LAMA3: variants seen among roughly 807,000 people sequenced by gnomAD.
LAMA3 encodes the protein laminin subunit alpha-3.
LAMA3 carries 281 observed loss-of-function variants against 402.0 expected under a neutral mutation model. That is an observed-to-expected ratio of 0.70 (90% CI 0.63 to 0.77). The LOEUF is 0.77. Ranked by LOEUF, LAMA3 falls within the 30% of genes least tolerant of loss-of-function variation. The pLI is 0.00. For missense variants in LAMA3, 3,840 were observed against 4,215.5 expected (o/e 0.91, Z 2.47); for synonymous variants, 1,431 against 1,558.4 (o/e 0.92, Z 1.93).
At chr18:23,939,165 C>T in intron 67 of LAMA3, 58 bp from the exon 68 acceptor site, 1 of 1,540,142 alleles carries the variant, frequency 6.5e-7, no homozygotes, top group Non-Finnish European at 9.0e-7. Context: ...ATGTACTTAG[C>T]AAGATAAGCA....
chr18:23,901,053 C>G (rs1599042597), intron 47 of LAMA3, 74 bp from the exon 48 acceptor site: 3 of 1,316,004 alleles, frequency 2.3e-6, no homozygotes, highest in Non-Finnish European at 3.3e-6. Context: ...ACTCGATTCT[C>G]CCTTTGTAGT....
Position 23,763,472 on chromosome 18 carries a change from C to G in LAMA3, c.1131C>G (p.Ser377Arg). 1.9e-6 allele frequency: 3 copies of G among 1,613,922 alleles called. No individual in the cohort carries two copies. The highest frequency in any genetic ancestry group is 2.5e-6 in the Non-Finnish European group (3 of 1,179,834). Reference protein sequence around the residue: ...YDPDVERQQASLNTQGIYAGG... With the variant: ...YDPDVERQQARLNTQGIYAGG... Reference sequence around the variant, plus strand: ...CAGATGTTGAGCGGCAGCAGGCAAGCTTGAATACCCAGGGCATCTATGCTG... The same window carrying G: ...CAGATGTTGAGCGGCAGCAGGCAAGGTTGAATACCCAGGGCATCTATGCTG... The change falls in exon 8 of 75, where the codon AGC (serine) becomes AGG (arginine). Residue 377 changes from serine (S) to arginine (R), a missense_variant. Transcript: ENST00000313654.
intron 2 of LAMA3, among the ~76,000 whole-genome samples, chr18:23,719,012 G>C (rs930038690): frequency 2.0e-5 from 3 of 152,212 alleles, no homozygotes; most frequent in Admixed American, 6.5e-5. Context: ...GAGTGTCCCT[G>C]GTAGGATGGA....
In LAMA3 at chr18:23,932,164, CG is replaced by C. The variant is rs2082179831; in HGVS notation, c.8583del (p.Leu2862PhefsTer8). ...TTTGCTTTTCTTCCCTTTCAGACTA[CG>C]GCTTCTCATCGATGACCAGCTTCTG... is the stretch of plus-strand genomic sequence containing the variant. ...VSVISDNSGL[R>X]LLIDDQLLRN... On this transcript the variant is annotated frameshift_variant, in exon 66 of 75. Transcript: ENST00000313654. LOFTEE classifies it high-confidence loss of function. 6.2e-7 allele frequency: 1 copy of C among 1,613,736 alleles called. No individual in the cohort carries two copies. The highest frequency in any genetic ancestry group is 1.7e-5 in the Admixed American group (1 of 59,996).
intron 67 of LAMA3, among the ~76,000 whole-genome samples, chr18:23,934,720 G>T (rs2082262579): frequency 6.6e-6 from 1 of 152,196 alleles, no homozygotes; most frequent in African/African-American, 2.4e-5. Context: ...ACCTTATGCT[G>T]CAGTGCAGAA....
intron 19 of LAMA3, 48 bp downstream of exon 19, chr18:23,820,045 T>G: frequency 3.8e-6 from 6 of 1,592,270 alleles, no homozygotes; most frequent in Non-Finnish European, 4.3e-6. Flanking sequence ...GCTCAGATAC[T>G]TCCCCACACC....
Position 23,758,475 on chromosome 18 carries a change from C to T in LAMA3, c.1027C>T (p.Arg343Trp), listed in dbSNP as rs375811268. The T allele has an allele frequency of 1.2e-4, 189 of 1,613,172 alleles. No homozygotes were observed. The highest frequency in any genetic ancestry group is 1.4e-4 in the Non-Finnish European group (166 of 1,179,916). Residue 343 changes from arginine to tryptophan, a missense_variant, in exon 7 of 75, where the codon CGG becomes TGG. Physicochemically the swap from Arg to Trp is moderately radical, Grantham distance 101. This residue lies in a region of LAMA3 where 2,109 missense variants were observed against 2,376.0 expected (regional missense o/e 0.89). Coordinates refer to ENST00000313654, the MANE Select transcript of LAMA3 (RefSeq NM_198129.4). ...CACAGGGTACAATCAGAGGCGCTGGCGGCCCGCCGCTTGGGAGCAGAGCCA... is the reference window on the plus strand; with the variant it reads ...CACAGGGTACAATCAGAGGCGCTGGTGGCCCGCCGCTTGGGAGCAGAGCCA... ...CCTGYNQRRW[R>W]PAAWEQSHEC...
chr18:23,735,222 G>A (rs2061454358), intron 2 of LAMA3, among the ~76,000 whole-genome samples: 1 of 152,292 alleles, frequency 6.6e-6, no homozygotes, highest in East Asian at 1.9e-4. Context: ...TGGCTCCTGA[G>A]GCTGGCCTGG....
chr18:23,822,428 T>G (rs1194715720), intron 20 of LAMA3, 53 bp downstream of exon 20: 7 of 1,568,554 alleles, frequency 4.5e-6, no homozygotes, highest in Non-Finnish European at 6.1e-6. Context: ...AAATAAATAG[T>G]GAAACACTTT....
At chr18:23,803,269 A>T (rs2062898613) in intron 12 of LAMA3, among the ~76,000 whole-genome samples, 1 of 152,156 alleles carries the variant, frequency 6.6e-6, no homozygotes, top group Non-Finnish European at 1.5e-5. Flanking sequence ...ATTACCCTGG[A>T]GAATGGTGCC....
intron 40 of LAMA3, among the ~76,000 whole-genome samples, chr18:23,882,552 G>A (rs1254615113): frequency 6.6e-6 from 1 of 151,514 alleles, no homozygotes; most frequent in Non-Finnish European, 1.5e-5. Context: ...AGAGGCTGTA[G>A]TGAGCCGAGA....
At chr18:23,779,820 A>T (rs1335846205) in intron 11 of LAMA3, among the ~76,000 whole-genome samples, 1 of 152,166 alleles carries the variant, frequency 6.6e-6, no homozygotes, top group Non-Finnish European at 1.5e-5. Context: ...CCTGGAGGTC[A>T]GTTATAACAG....
chr18:23,874,484 A>G lies in LAMA3; in HGVS notation c.4999-1810A>G, dbSNP rs747173292. ...CTCTTTGCCCTAAACATGGTTCCTAATAGCTTAAAGGAACATTATATTGGA... is the reference window on the plus strand; with the variant it reads ...CTCTTTGCCCTAAACATGGTTCCTAGTAGCTTAAAGGAACATTATATTGGA... On this transcript the variant is annotated intron_variant, in intron 38 of 74. Coordinates refer to ENST00000313654, the MANE Select transcript of LAMA3 (RefSeq NM_198129.4). 9.8e-5 allele frequency among the ~76,000 whole-genome samples: 15 copies of G among 152,346 alleles called. No individual in the cohort carries two copies. In the Middle Eastern group the frequency reaches 0.014, roughly 138 times the overall value.
chr18:23,766,944 A>C (rs1242211168), intron 8 of LAMA3, among the ~76,000 whole-genome samples: 1 of 152,188 alleles, frequency 6.6e-6, no homozygotes, highest in Non-Finnish European at 1.5e-5. Flanking sequence ...TCTCTTTGTT[A>C]ATGATATGAT....
chr18:23,771,627 G>A (rs1187956901), intron 8 of LAMA3, among the ~76,000 whole-genome samples: 4 of 152,192 alleles, frequency 2.6e-5, no homozygotes, highest in Admixed American at 2.6e-4. Context: ...TTAAATGCAT[G>A]GTGAAGTATT....
At chr18:23,829,237 G>A (rs1009862489) in intron 23 of LAMA3, among the ~76,000 whole-genome samples, 26 of 152,164 alleles carry the variant, frequency 1.7e-4, no homozygotes, top group Admixed American at 6.5e-4. Flanking sequence ...TTCAGATCAT[G>A]GGCCAGTATA....
At chr18:23,919,141 A>C (rs936718743) in intron 60 of LAMA3, among the ~76,000 whole-genome samples, 1 of 152,236 alleles carries the variant, frequency 6.6e-6, no homozygotes, top group African/African-American at 2.4e-5. Context: ...AGGATGGCTC[A>C]TGACTCTCAG....
In LAMA3 at chr18:23,752,782, T is replaced by G. The variant is rs112852511; in HGVS notation, c.856-939T>G. On this transcript the variant is annotated intron_variant, in intron 5 of 74. Transcript: ENST00000313654. ...ACCAGAACAGAACCCCAACATTAAA[T>G]CAATAGAGCTCTTTAAGGCAGCCAC... 8.1e-3 allele frequency among the ~76,000 whole-genome samples: 1,231 copies of G among 152,268 alleles called. 15 individuals carry two copies. The highest frequency in any genetic ancestry group is 0.028 in the African/African-American group (1,183 of 41,544).
chr18:23,874,614 C>G (rs973222390), intron 38 of LAMA3, among the ~76,000 whole-genome samples: 5 of 152,220 alleles, frequency 3.3e-5, no homozygotes, highest in African/African-American at 9.6e-5. Flanking sequence ...GCTTCTGCCT[C>G]TCTCTCCTGT....
Sources: allele counts gnomAD v4.1 joint callset (sites outside exome capture counted in the v4.1 genomes callset), GRCh38; gene constraint gnomAD v4.1.1; regional missense constraint gnomAD v4.1.1; transcripts MANE v1.5; gene names NCBI Gene and HGNC (gene_info 2026-07-23, HGNC 2026-07-21).